Variants in ROBO2 observed in about 807,000 individuals in gnomAD.
ROBO2 encodes roundabout homolog 2.
In ROBO2, 53 loss-of-function variants were observed where a neutral mutation model predicts 160.8. That is an observed-to-expected ratio of 0.33 (90% confidence interval 0.26 to 0.41). The LOEUF is 0.41. ROBO2 is among the 10% of genes least tolerant of loss of function. ROBO2 has a pLI of 1.00. For synonymous variants in ROBO2, 664 were observed against 611.7 expected (o/e 1.09, Z -1.26); for missense variants, 1,577 against 1,722.4 (o/e 0.92, Z 1.49).
intron 2 of ROBO2, among the ~76,000 whole-genome samples, chr3:76,700,156 A>G (rs2093017625): frequency 6.6e-6 from 1 of 151,902 alleles, no homozygotes; most frequent in South Asian, 2.1e-4. Flanking sequence ...CTTTTCCCCA[A>G]GTTTTTCCTC....
intron 12 of ROBO2, among the ~76,000 whole-genome samples, chr3:77,566,086 T>C (rs979239292): frequency 6.6e-6 from 1 of 152,128 alleles, no homozygotes; most frequent in Non-Finnish European, 1.5e-5. Flanking sequence ...TTTTATGCAA[T>C]GAAAAGCACC....
intron 2 of ROBO2, among the ~76,000 whole-genome samples, chr3:77,439,454 T>C (rs758535277): frequency 1.3e-5 from 2 of 151,950 alleles, no homozygotes; most frequent in Non-Finnish European, 1.5e-5. Context: ...TCTTATGATA[T>C]GAATTAGAAA....
chr3:77,304,193 T>C (rs1045071033), intron 2 of ROBO2, among the ~76,000 whole-genome samples: 2 of 152,184 alleles, frequency 1.3e-5, no homozygotes, highest in South Asian at 2.1e-4. Flanking sequence ...AGATTAGCAA[T>C]TGGAGCAGAG....
At chr3:76,272,855 A>G (rs1245112123) in intron 2 of ROBO2, among the ~76,000 whole-genome samples, 2 of 87,126 alleles carry the variant, frequency 2.3e-5, no homozygotes, top group African/African-American at 9.8e-5. Flanking sequence ...TATTATATAT[A>G]AAATATATAA....
intron 2 of ROBO2, among the ~76,000 whole-genome samples, chr3:76,996,238 G>T (rs1436970254): frequency 6.6e-6 from 1 of 152,088 alleles, no homozygotes; most frequent in Non-Finnish European, 1.5e-5. Flanking sequence ...TTTTTGTCAG[G>T]TGTGTCAAAG....
intron 2 of ROBO2, among the ~76,000 whole-genome samples, chr3:76,615,351 C>T (rs2088496862): frequency 6.6e-6 from 1 of 152,144 alleles, no homozygotes; most frequent in Non-Finnish European, 1.5e-5. Flanking sequence ...CTGGTCACTA[C>T]TGCACATCAA....
intron 2 of ROBO2, among the ~76,000 whole-genome samples, chr3:76,197,118 C>G (rs992738432): frequency 1.3e-5 from 2 of 151,676 alleles, no homozygotes; most frequent in African/African-American, 4.9e-5. Flanking sequence ...CTGAGCTAAT[C>G]AGTCTCTCTA....
At chr3:76,495,618 T>C (rs969917489) in intron 2 of ROBO2, among the ~76,000 whole-genome samples, 1 of 152,122 alleles carries the variant, frequency 6.6e-6, no homozygotes, top group African/African-American at 2.4e-5. Context: ...GTATGTGCTC[T>C]GTTCTTTCTT....
chr3:76,814,878 G>A (rs1316870297), intron 2 of ROBO2, among the ~76,000 whole-genome samples: 1 of 151,890 alleles, frequency 6.6e-6, no homozygotes, highest in Non-Finnish European at 1.5e-5. Context: ...TCTCAGCCAG[G>A]CCAGTATGTG....
rs78871419 is a variant in ROBO2, at chr3:76,833,452, A to C, written c.110-264562A>C. 2.4e-4 allele frequency among the ~76,000 whole-genome samples: 36 copies of C among 152,288 alleles called. No homozygotes were observed. In the East Asian group the frequency reaches 6.6e-3, roughly 28 times the overall value. On this transcript the variant is annotated intron_variant, in intron 2 of 26. Coordinates refer to the ROBO2 transcript ENST00000487694. ...GTGGGATAGAATGCTCTCTCTGAGA[A>C]TTTTCAAGAAATAAATTATTTAGAA... is the stretch of plus-strand genomic sequence containing the variant.
chr3:77,225,174 T>C (rs1285771999), intron 2 of ROBO2, among the ~76,000 whole-genome samples: 2 of 151,914 alleles, frequency 1.3e-5, no homozygotes, highest in East Asian at 1.9e-4. Context: ...TACTTCATTG[T>C]TCACAAAATA....
At chr3:77,628,203 A>G (rs937794466) in intron 23 of ROBO2, among the ~76,000 whole-genome samples, 5 of 152,174 alleles carry the variant, frequency 3.3e-5, no homozygotes, top group Non-Finnish European at 5.9e-5. Context: ...TGTTCATTAA[A>G]TGTTTAAATA....
At chr3:77,056,963 T>C (rs1559917984) in intron 1 of ROBO2, among the ~76,000 whole-genome samples, 1 of 152,286 alleles carries the variant, frequency 6.6e-6, no homozygotes, top group African/African-American at 2.4e-5. Flanking sequence ...CATTACTGGT[T>C]ATATACCCAA....
At chr3:77,098,243 C>G in exon 2 of ROBO2, 1 of 1,614,144 alleles carries the variant, frequency 6.2e-7, no homozygotes, top group Non-Finnish European at 8.5e-7. Context: ...GCATCGTGCA[C>G]GGGCGCAGGA....
At chr3:77,324,819 C>T (rs1313867482) in intron 2 of ROBO2, among the ~76,000 whole-genome samples, 1 of 148,032 alleles carries the variant, frequency 6.8e-6, no homozygotes, top group Non-Finnish European at 1.5e-5. Context: ...CCATACTTTA[C>T]AGGGATAGCA....
chr3:75,979,311 A>G (rs1246385110), intron 2 of ROBO2, among the ~76,000 whole-genome samples: 1 of 151,582 alleles, frequency 6.6e-6, no homozygotes, highest in Non-Finnish European at 1.5e-5. Flanking sequence ...ATATACACAC[A>G]TATATAGAGA....
chr3:76,454,061 A>C (rs1577309586), intron 2 of ROBO2, among the ~76,000 whole-genome samples: 1 of 152,126 alleles, frequency 6.6e-6, no homozygotes, highest in African/African-American at 2.4e-5. Flanking sequence ...TGCAGAAGAG[A>C]TGTCTTTCAG....
chr3:76,410,738 A>G (rs1220787083), intron 2 of ROBO2, among the ~76,000 whole-genome samples: 5 of 152,212 alleles, frequency 3.3e-5, no homozygotes, highest in African/African-American at 4.8e-5. Flanking sequence ...TGTCAGCTCT[A>G]AGATATATGA....
At chr3:76,242,198 AGTT>A (rs977417676) in intron 2 of ROBO2, among the ~76,000 whole-genome samples, 1 of 152,136 alleles carries the variant, frequency 6.6e-6, no homozygotes, top group Non-Finnish European at 1.5e-5. Context: ...TTTCTAAAGC[AGTT>A]GTTGTGCGGC....
Sources: gnomAD v4.1 joint callset for allele counts (sites outside exome capture counted in the v4.1 genomes callset) on GRCh38, gnomAD v4.1.1 for gene constraint, MANE v1.5 for transcripts, NCBI Gene and HGNC (gene_info 2026-07-23, HGNC 2026-07-21) for gene names.